SAMD13: variants seen among roughly 807,000 people sequenced by gnomAD.
SAMD13 encodes sterile alpha motif domain containing 13, also known as sterile alpha motif domain-containing protein 13.
A neutral mutation model predicts 12.4 loss-of-function variants in SAMD13; 9 were observed. The observed-to-expected ratio is 0.72, with a 90% CI of 0.44 to 1.26. The LOEUF (loss-of-function observed/expected upper bound fraction) is 1.26, where lower values mean the gene tolerates loss of function less well. Ranked by LOEUF, SAMD13 falls within the 50% of genes most tolerant of loss-of-function variation. The pLI is 0.00. For missense variants in SAMD13, 84 were observed against 119.6 expected, an observed-to-expected ratio of 0.70 and a Z score of 1.39; for synonymous variants, 46 against 45.4, an observed-to-expected ratio of 1.01 and a Z score of -0.05.
At chr1:84,326,379 T>C (rs529412802) in intron 3 of SAMD13, among the ~76,000 whole-genome samples, 205 of 152,300 alleles carry the variant, frequency 1.3e-3, no homozygotes, top group African/African-American at 4.6e-3. Flanking sequence ...ACAGTGCCTA[T>C]GATAGGTTCT....
chr1:84,313,800 G>GTAGCCCATTTC (rs1678766674), intron 2 of SAMD13, among the ~76,000 whole-genome samples: 1 of 152,054 alleles, frequency 6.6e-6, no homozygotes, highest in African/African-American at 2.4e-5. Context: ...TGTTCAGTGT[G>GTAGCCCATTTC]TTGTTTCATT....
At chr1:84,323,879 A>G (rs1679000547) in intron 2 of SAMD13, among the ~76,000 whole-genome samples, 1 of 152,102 alleles carries the variant, frequency 6.6e-6, no homozygotes, top group African/African-American at 2.4e-5. Context: ...CCACAGGTGT[A>G]CCTAGCCCAC....
intron 2 of SAMD13, among the ~76,000 whole-genome samples, chr1:84,315,744 T>G (rs1678818720): frequency 6.6e-6 from 1 of 152,228 alleles, no homozygotes; most frequent in Admixed American, 6.5e-5. Flanking sequence ...GAAGTGGGAT[T>G]GCTATGTCAC....
In SAMD13 at chr1:84,327,739, G is replaced by C. The variant is rs76277958; in HGVS notation, c.165+1991G>C. On this transcript the variant is annotated intron_variant, in intron 3 of 3. Transcript: ENST00000394834. ...ATATGCATTGGCAATTAAATAGAAG[G>C]GTGACTATGTGGACATATATGTGGT... 6.4e-3 allele frequency among the ~76,000 whole-genome samples: 981 copies of C among 152,198 alleles called. 13 individuals are homozygous for C. The highest frequency in any genetic ancestry group is 0.023 in the African/African-American group (941 of 41,532).
Position 84,346,409 on chromosome 1 carries a change from A to G in SAMD13, c.166-3222A>G, listed in dbSNP as rs933528065. On this transcript the variant is annotated intron_variant, in intron 3 of 3. Coordinates refer to ENST00000394834, the MANE Select transcript of SAMD13 (RefSeq NM_001134663.2). ...GGGAACCTGAAGGTTAATTTTACAT[A>G]AAGACACAATCAATGTCAAAGTTTT... Among the ~76,000 whole-genome samples the G allele has an allele frequency of 4.6e-5, 7 of 152,254 alleles. No homozygotes were observed. The East Asian group carries it at 1.2e-3, about 25-fold the overall frequency.
At chr1:84,298,718 T>G, upstream of SAMD13, 2 of 735,038 alleles carry the variant, frequency 2.7e-6, no homozygotes, top group East Asian at 3.5e-5. Flanking sequence ...CTGCAGCTCG[T>G]TGCACCCACG....
chr1:84,320,076 C>T (rs902529529), intron 2 of SAMD13, among the ~76,000 whole-genome samples: 2 of 152,138 alleles, frequency 1.3e-5, no homozygotes, highest in African/African-American at 4.8e-5. Flanking sequence ...CACAACTGAC[C>T]CGAGATTATC....
At chr1:84,332,371 C>T (rs549432437) in intron 3 of SAMD13, among the ~76,000 whole-genome samples, 6 of 152,216 alleles carry the variant, frequency 3.9e-5, no homozygotes, top group African/African-American at 1.4e-4. Context: ...ATAAGTATTC[C>T]CTTTTCTAAG....
At chr1:84,344,719 T>G (rs1465825893) in intron 3 of SAMD13, 1 of 362,430 alleles carries the variant, frequency 2.8e-6, no homozygotes, top group Non-Finnish European at 5.4e-6. Flanking sequence ...CTCAAAATGC[T>G]TCCTCCCCTG....
chr1:84,330,531 G>A (rs1679156985), intron 3 of SAMD13, among the ~76,000 whole-genome samples: 1 of 152,182 alleles, frequency 6.6e-6, no homozygotes, highest in Admixed American at 6.5e-5. Context: ...TTAGGATAAA[G>A]TTTGCTTTGT....
chr1:84,322,424 T>C (rs1048518908), intron 2 of SAMD13, among the ~76,000 whole-genome samples: 13 of 152,186 alleles, frequency 8.5e-5, no homozygotes, highest in African/African-American at 2.9e-4. Flanking sequence ...CAGGTTACAG[T>C]AGCCAGTTCA....
chr1:84,314,178 A>G (rs1341104533), intron 2 of SAMD13, among the ~76,000 whole-genome samples: 2 of 152,136 alleles, frequency 1.3e-5, no homozygotes, highest in Admixed American at 1.3e-4. Context: ...ATAATAAAAC[A>G]ATGGCTACTA....
chr1:84,315,995 A>G (rs915977185), intron 2 of SAMD13, among the ~76,000 whole-genome samples: 4 of 152,064 alleles, frequency 2.6e-5, no homozygotes, highest in Non-Finnish European at 4.4e-5. Flanking sequence ...ATATATATAC[A>G]TATTGGCTAT....
chr1:84,312,870 T>C (rs1005280363), intron 2 of SAMD13, among the ~76,000 whole-genome samples: 10 of 152,300 alleles, frequency 6.6e-5, no homozygotes, highest in East Asian at 1.9e-4. Context: ...AGCACAGTTA[T>C]GTACCCAAAA....
chr1:84,345,365 G>A, intron 3 of SAMD13: 1 of 385,416 alleles, frequency 2.6e-6, no homozygotes, highest in East Asian at 7.2e-5. Context: ...TGGTGTTTGA[G>A]AATGTTTTGA....
chr1:84,308,062 A>G (rs929081647), intron 2 of SAMD13, among the ~76,000 whole-genome samples: 1 of 152,184 alleles, frequency 6.6e-6, no homozygotes, highest in Admixed American at 6.5e-5. Flanking sequence ...CACAGCCTAA[A>G]AGCCTTCTTC....
At chr1:84,319,712 G>A (rs1240123965) in intron 2 of SAMD13, among the ~76,000 whole-genome samples, 3 of 152,218 alleles carry the variant, frequency 2.0e-5, no homozygotes, top group African/African-American at 7.2e-5. Flanking sequence ...GAAAAGGAAA[G>A]GAGGCTGTTT....
At chr1:84,323,384 T>C (rs956298308) in intron 2 of SAMD13, among the ~76,000 whole-genome samples, 1 of 152,188 alleles carries the variant, frequency 6.6e-6, no homozygotes, top group African/African-American at 2.4e-5. Flanking sequence ...CTTCTCGATG[T>C]ATATTGCCTG....
At chr1:84,302,587 C>A in intron 1 of SAMD13, 2 of 828,906 alleles carry the variant, frequency 2.4e-6, no homozygotes, top group Non-Finnish European at 2.9e-6. Context: ...CCAGCACCAC[C>A]TTTCTGTGCT....
Sources: allele counts gnomAD v4.1 joint callset (sites outside exome capture counted in the v4.1 genomes callset), GRCh38; gene constraint gnomAD v4.1.1; transcripts MANE v1.5; gene names NCBI Gene and HGNC (gene_info 2026-07-23, HGNC 2026-07-21).